PLXNC1: variants seen among roughly 807,000 people sequenced by gnomAD.
PLXNC1 encodes the protein plexin-C1.
PLXNC1 carries 75 observed loss-of-function variants against 178.2 expected under a neutral mutation model. The observed-to-expected ratio is 0.42, with a 90% CI of 0.35 to 0.51. The LOEUF is 0.51. Ranked by LOEUF, PLXNC1 falls within the 20% of genes least tolerant of loss-of-function variation. PLXNC1 has a pLI of 0.02. For synonymous variants in PLXNC1, 790 were observed against 779.9 expected, an observed-to-expected ratio of 1.01 and a Z score of -0.22; for missense variants, 1,503 against 1,984.4, an observed-to-expected ratio of 0.76 and a Z score of 4.61.
At chr12:94,222,947 G>T (rs112502907) in intron 6 of PLXNC1, among the ~76,000 whole-genome samples, 1 of 152,206 alleles carries the variant, frequency 6.6e-6, no homozygotes, top group African/African-American at 2.4e-5. Flanking sequence ...TACGTGAACC[G>T]AATTTTATGT....
intron 15 of PLXNC1, among the ~76,000 whole-genome samples, chr12:94,253,730 G>A (rs1233886666): frequency 6.6e-6 from 1 of 151,594 alleles, no homozygotes; most frequent in Non-Finnish European, 1.5e-5. Context: ...GCTGAGTGCA[G>A]TGGCACGATC....
At chr12:94,266,062 G>A (rs949633519) in intron 21 of PLXNC1, among the ~76,000 whole-genome samples, 1 of 152,220 alleles carries the variant, frequency 6.6e-6, no homozygotes, top group Non-Finnish European at 1.5e-5. Context: ...CTCGTTAGTG[G>A]AGGAGGAAAA....
chr12:94,279,917 G>A, intron 22 of PLXNC1: 1 of 590,238 alleles, frequency 1.7e-6, no homozygotes, highest in Non-Finnish European at 3.1e-6. Flanking sequence ...TCAGATTGAT[G>A]AGATTGCAGG....
intron 3 of PLXNC1, chr12:94,185,847 G>C (rs1962489085): frequency 6.4e-6 from 1 of 156,062 alleles, no homozygotes; most frequent in Admixed American, 6.2e-5. Flanking sequence ...GCCACATATG[G>C]ACTGTCTCTG....
At chr12:94,204,069 T>C (rs1438526688) in intron 4 of PLXNC1, among the ~76,000 whole-genome samples, 2 of 152,204 alleles carry the variant, frequency 1.3e-5, no homozygotes, top group African/African-American at 4.8e-5. Context: ...CCTTGGACTC[T>C]CCAGCCTCCA....
chr12:94,238,343 A>T (rs1393866707), intron 10 of PLXNC1, among the ~76,000 whole-genome samples: 2 of 152,136 alleles, frequency 1.3e-5, no homozygotes, highest in African/African-American at 2.4e-5. Context: ...AAAAAAGAAC[A>T]CCCCAACATA....
intron 5 of PLXNC1, among the ~76,000 whole-genome samples, chr12:94,210,994 A>T (rs1184894733): frequency 6.6e-6 from 1 of 152,072 alleles, no homozygotes; most frequent in Non-Finnish European, 1.5e-5. Context: ...ATTCTGGAAG[A>T]TTTTTTTTCT....
At chr12:94,271,861 G>A (rs777437121) in intron 21 of PLXNC1, among the ~76,000 whole-genome samples, 44 of 152,188 alleles carry the variant, frequency 2.9e-4, no homozygotes, top group Non-Finnish European at 4.9e-4. Flanking sequence ...GATGTGGGAT[G>A]TGGGGGAGTT....
At chr12:94,294,648 A>C (rs572551650) in intron 24 of PLXNC1, 108 bp downstream of exon 24, 5 of 596,270 alleles carry the variant, frequency 8.4e-6, no homozygotes, top group Non-Finnish European at 9.4e-6. Context: ...AGTTGTTGCT[A>C]TGTAATTCTC....
At position 94,275,734 on chromosome 12, in the gene PLXNC1, A is replaced by G. The variant is rs1311442323; in HGVS notation, c.3598-3738A>G. Among the ~76,000 whole-genome samples, 2 of 128,232 alleles carry G rather than the reference A, an allele frequency of 1.6e-5. 1 individual carries two copies. Among genetic ancestry groups the G allele is most frequent in the African/African-American group, 6.2e-5 (2 of 32,480 alleles). The allele number at this position is 128,232 out of a possible 152,430, so 84.1% of individuals were successfully genotyped here. A position where few individuals can be genotyped will look rare whatever the true frequency, so the allele number is the denominator to read the frequency against. On this transcript the variant is annotated intron_variant, in intron 21 of 30. Coordinates refer to ENST00000258526, the MANE Select transcript of PLXNC1 (RefSeq NM_005761.3). The stretch of plus-strand genomic sequence containing the variant: ...GCCGGGCGTAGTGGCGGGCGCCTGT[A>G]GTCCCAGCTACTTGGGAGGCTGAGG...
At chr12:94,231,478 GTATCT>G (rs1478128174) in intron 9 of PLXNC1, among the ~76,000 whole-genome samples, 1 of 152,146 alleles carries the variant, frequency 6.6e-6, no homozygotes, top group Non-Finnish European at 1.5e-5. Context: ...GCCATTCAAG[GTATCT>G]TATTTTATTT....
chr12:94,233,073 A>C (rs1257943050), intron 9 of PLXNC1, among the ~76,000 whole-genome samples: 1 of 152,150 alleles, frequency 6.6e-6, no homozygotes, highest in Non-Finnish European at 1.5e-5. Flanking sequence ...GATCCATGCC[A>C]CACATGTAGG....
chr12:94,165,666 C>T (rs1961582763), intron 1 of PLXNC1, among the ~76,000 whole-genome samples: 1 of 149,658 alleles, frequency 6.7e-6, no homozygotes, highest in Non-Finnish European at 1.5e-5. Context: ...ACGCAACCAA[C>T]AGTGGCTTAA....
chr12:94,214,089 C>CT (rs35305672), intron 5 of PLXNC1, among the ~76,000 whole-genome samples: 1,654 of 141,270 alleles, frequency 0.012, 9 homozygotes, highest in Non-Finnish European at 0.017. Context: ...ACACTAGAAA[C>CT]TTTTTTTTTT....
intron 4 of PLXNC1, among the ~76,000 whole-genome samples, chr12:94,207,405 T>C (rs1352672800): frequency 6.6e-6 from 1 of 152,226 alleles, no homozygotes; most frequent in African/African-American, 2.4e-5. Flanking sequence ...ATTTAAACTT[T>C]TTGCTTGTTT....
At chr12:94,150,542 G>GC (rs1020522469) in intron 1 of PLXNC1, among the ~76,000 whole-genome samples, 37 of 152,282 alleles carry the variant, frequency 2.4e-4, no homozygotes, top group African/African-American at 7.5e-4. Context: ...CCCTGTCTCC[G>GC]CCCCCCACCG....
At chr12:94,186,925 G>A (rs1486260564) in intron 4 of PLXNC1, among the ~76,000 whole-genome samples, 3 of 152,188 alleles carry the variant, frequency 2.0e-5, no homozygotes, top group African/African-American at 7.2e-5. Context: ...CTCCTAATGC[G>A]CCGCGCAGCT....
intron 11 of PLXNC1, among the ~76,000 whole-genome samples, chr12:94,241,987 A>AAAAG (rs1555202640): frequency 6.6e-6 from 1 of 151,106 alleles, no homozygotes; most frequent in African/African-American, 2.4e-5. Context: ...TAAAAAAAAA[A>AAAAG]AAGAAGAAGA....
In PLXNC1 at chr12:94,149,556, C is replaced by A; in HGVS notation, c.585C>A (p.Asn195Lys). 6.4e-7 allele frequency: 1 copy of A among 1,557,638 alleles called. No homozygotes were observed. The highest frequency in any genetic ancestry group is 1.9e-5 in the Admixed American group (1 of 53,630). The change falls in exon 1 of 31, where the codon AAC becomes AAA. Residue 195 changes from asparagine (N) to lysine (K), a missense_variant. Around this residue, in one of 4 missense-constraint regions of PLXNC1, gnomAD observed 73 missense variants for 125.4 expected, o/e 0.58. Coordinates refer to ENST00000258526, the MANE Select transcript of PLXNC1 (RefSeq NM_005761.3). ...AGCCGGAGACGGCGAGCCGCTGCAA[C>A]CCCGCGGCATCCGACCACGACACGG... ...LPEPETASRC[N>K]PAASDHDTAI...
Sources: gnomAD v4.1 joint callset for allele counts (sites outside exome capture counted in the v4.1 genomes callset) on GRCh38, gnomAD v4.1.1 for gene constraint, gnomAD v4.1.1 regional missense constraint, MANE v1.5 for transcripts, NCBI Gene and HGNC (gene_info 2026-07-23, HGNC 2026-07-21) for gene names.